MTUS2: variants seen among roughly 807,000 people sequenced by gnomAD.
MTUS2 encodes microtubule associated scaffold protein 2.
In MTUS2, 40 loss-of-function variants were observed where a neutral mutation model predicts 114.1. The observed-to-expected ratio is 0.35, with a 90% confidence interval of 0.27 to 0.46. The LOEUF is 0.46. Among genes scored for constraint, MTUS2 ranks in the 20% least tolerant of loss-of-function variants. The pLI, the probability that MTUS2 is intolerant of heterozygous loss-of-function variation, is 1.00. For missense variants in MTUS2, 1,679 were observed against 1,705.4 expected (o/e 0.98, Z 0.27); for synonymous variants, 688 against 672.0 (o/e 1.02, Z -0.37).
Position 29,025,521 on chromosome 13 carries a change from T to C in MTUS2, c.823T>C (p.Ser275Pro), listed in dbSNP as rs199585488. The C allele has an allele frequency of 7.1e-5, 114 of 1,613,566 alleles. No homozygotes were observed. The highest frequency in any genetic ancestry group is 1.7e-5 in the Admixed American group (1 of 59,976). ...HVLQVCSEHT[S>P]HSAHPEPALN... ...ACTGCAGGTGTGCAGTGAGCACACA[T>C]CACATTCCGCCCATCCAGAGCCTGC... The change falls in exon 3 of 16, where the codon TCA (serine) becomes CCA (proline). Residue 275 changes from serine (S) to proline (P), a missense_variant. Ser to Pro is a moderately conservative substitution (Grantham distance 74). This residue lies in a region of MTUS2 where 843 missense variants were observed against 770.8 expected (regional missense o/e 1.09). Transcript: ENST00000612955.
At chr13:29,378,794 T>G (rs537947091) in intron 8 of MTUS2, among the ~76,000 whole-genome samples, 1 of 149,368 alleles carries the variant, frequency 6.7e-6, no homozygotes, top group East Asian at 2.0e-4. Context: ...ATTTGGGAGA[T>G]TTCAGAGTGG....
intron 2 of MTUS2, among the ~76,000 whole-genome samples, chr13:28,935,079 C>T (rs557036288): frequency 1.3e-3 from 174 of 134,242 alleles, no homozygotes; most frequent in Middle Eastern, 9.4e-3. Context: ...ATCAGGTGCA[C>T]TTGTGTGTCT....
intron 4 of MTUS2, among the ~76,000 whole-genome samples, chr13:29,056,655 T>C (rs1294296083): frequency 6.6e-6 from 1 of 152,062 alleles, no homozygotes; most frequent in Admixed American, 6.6e-5. Context: ...CCAGTGGTAA[T>C]GTCCCCTTTA....
chr13:29,428,625 C>CAAAAAA, intron 8 of MTUS2: 1 of 691,180 alleles, frequency 1.4e-6, no homozygotes, highest in Non-Finnish European at 1.9e-6. Context: ...CCCGCAGCAG[C>CAAAAAA]AAGATCTGAT....
At chr13:28,913,623 G>A (rs1880578607) in intron 2 of MTUS2, among the ~76,000 whole-genome samples, 1 of 152,078 alleles carries the variant, frequency 6.6e-6, no homozygotes, top group African/African-American at 2.4e-5. Flanking sequence ...GATGATGCTG[G>A]CCTCATAGAA....
intron 7 of MTUS2, among the ~76,000 whole-genome samples, chr13:29,331,817 C>T: frequency 6.6e-6 from 1 of 152,088 alleles, no homozygotes; most frequent in Non-Finnish European, 1.5e-5. Flanking sequence ...TTGAGATAAT[C>T]ATGTGGTTTT....
chr13:28,827,432 A>G (rs140693665), intron 1 of MTUS2, among the ~76,000 whole-genome samples: 1 of 152,320 alleles, frequency 6.6e-6, no homozygotes, highest in South Asian at 2.1e-4. Context: ...CTACCCCCAA[A>G]CTTTATACTG....
intron 7 of MTUS2, among the ~76,000 whole-genome samples, chr13:29,336,397 C>T (rs376389546): frequency 6.6e-6 from 1 of 152,164 alleles, no homozygotes; most frequent in African/African-American, 2.4e-5. Context: ...CATTCAGGCC[C>T]CTCTGCTGCA....
At chr13:29,264,708 ACCTGGGACC>A (rs1322084081) in intron 5 of MTUS2, among the ~76,000 whole-genome samples, 1 of 152,358 alleles carries the variant, frequency 6.6e-6, no homozygotes, top group East Asian at 1.9e-4. Flanking sequence ...CCTGAGCTGT[ACCTGGGACC>A]CTTTGAGCCA....
chr13:28,899,217 T>A (rs989802171), intron 2 of MTUS2, among the ~76,000 whole-genome samples: 2 of 152,198 alleles, frequency 1.3e-5, no homozygotes, highest in Non-Finnish European at 2.9e-5. Flanking sequence ...CAATGTTAAA[T>A]CAAGTTTAGC....
intron 2 of MTUS2, among the ~76,000 whole-genome samples, chr13:28,867,541 A>G (rs1402092926): frequency 6.6e-6 from 1 of 152,220 alleles, no homozygotes; most frequent in Non-Finnish European, 1.5e-5. Flanking sequence ...TATTGCTTAA[A>G]ACATATCCAA....
At chr13:28,901,167 C>T (rs895542443) in intron 2 of MTUS2, among the ~76,000 whole-genome samples, 12 of 151,914 alleles carry the variant, frequency 7.9e-5, no homozygotes, top group African/African-American at 2.9e-4. Context: ...ATCTAAATAT[C>T]CTCTTTGGAG....
chr13:29,098,655 T>C (rs760707233), intron 4 of MTUS2, among the ~76,000 whole-genome samples: 1 of 152,226 alleles, frequency 6.6e-6, no homozygotes, highest in Non-Finnish European at 1.5e-5. Context: ...ACTGATGAAA[T>C]CAACAATAAT....
intron 3 of MTUS2, among the ~76,000 whole-genome samples, chr13:29,031,237 G>GGTTGTGTGTGTGTGT (rs1555287204): frequency 8.1e-6 from 1 of 122,886 alleles, no homozygotes; most frequent in Non-Finnish European, 1.7e-5. Flanking sequence ...AGAACTAATA[G>GGTTGTGTGTGTGTGT]GTGTGTGTGT....
At chr13:29,046,248 G>A (rs549216776) in intron 4 of MTUS2, among the ~76,000 whole-genome samples, 1 of 150,362 alleles carries the variant, frequency 6.7e-6, no homozygotes, top group Non-Finnish European at 1.5e-5. Flanking sequence ...AAGCAGCTGG[G>A]ACTATAGGCG....
intron 5 of MTUS2, among the ~76,000 whole-genome samples, chr13:29,133,849 A>G (rs190020515): frequency 1.7e-3 from 260 of 152,024 alleles, no homozygotes; most frequent in African/African-American, 6.0e-3. Flanking sequence ...GGTTTTATTG[A>G]TTTTCTCTAT....
chr13:29,065,879 G>T (rs1593439521), intron 4 of MTUS2, among the ~76,000 whole-genome samples: 1 of 152,074 alleles, frequency 6.6e-6, no homozygotes, highest in Non-Finnish European at 1.5e-5. Context: ...TTAGAATAGG[G>T]CCTGGCATTC....
chr13:29,304,017 A>G (rs1899324620), intron 6 of MTUS2, among the ~76,000 whole-genome samples: 1 of 152,194 alleles, frequency 6.6e-6, no homozygotes, highest in Non-Finnish European at 1.5e-5. Context: ...CCAACCCAGA[A>G]TTTCAGATCT....
intron 8 of MTUS2, among the ~76,000 whole-genome samples, chr13:29,368,609 A>G (rs1870939074): frequency 6.6e-6 from 1 of 151,868 alleles, no homozygotes; most frequent in Non-Finnish European, 1.5e-5. Flanking sequence ...CCCCATACAT[A>G]GGTATAAATA....
Sources: gnomAD v4.1 joint callset for allele counts (sites outside exome capture counted in the v4.1 genomes callset) on GRCh38, gnomAD v4.1.1 for gene constraint, gnomAD v4.1.1 regional missense constraint, MANE v1.5 for transcripts, NCBI Gene and HGNC (gene_info 2026-07-23, HGNC 2026-07-21) for gene names.